The following TMPRSS15 variants were observed in gnomAD, a reference collection of about 807,000 sequenced individuals.
TMPRSS15 encodes the protein transmembrane serine protease 15.
Under a neutral mutation model 125.3 loss-of-function variants are expected in TMPRSS15, and 128 were observed. That is an observed-to-expected ratio of 1.02 (90% CI 0.89 to 1.18). The LOEUF is 1.18. TMPRSS15 is among the 50% of genes most tolerant of loss of function. The probability of loss-of-function intolerance (pLI) is 0.00; values close to 1 mark genes in which losing one functional copy is unlikely to be tolerated. For missense variants in TMPRSS15, 1,283 were observed against 1,212.7 expected (o/e 1.06, Z -0.86); for synonymous variants, 446 against 423.2 (o/e 1.05, Z -0.66).
chr21:18,417,542 T>A (rs1441106285), intron 1 of TMPRSS15, among the ~76,000 whole-genome samples: 1 of 152,172 alleles, frequency 6.6e-6, no homozygotes, highest in Non-Finnish European at 1.5e-5. Context: ...ATTTTAAGAC[T>A]CCTACTACAT....
At chr21:18,463,246 C>CAAAAAAAAAAAAAAAAAAAAAA (rs57033426) in intron 1 of TMPRSS15, among the ~76,000 whole-genome samples, 2 of 11,516 alleles carry the variant, frequency 1.7e-4, no homozygotes, top group Non-Finnish European at 1.7e-4. Context: ...AAATGGAAAG[C>CAAAAAAAAAAAAAAAAAAAAAA]AAAAAAAAAA....
chr21:18,406,601 G>A (rs552648954), upstream of TMPRSS15, among the ~76,000 whole-genome samples: 3 of 152,132 alleles, frequency 2.0e-5, no homozygotes, highest in African/African-American at 7.2e-5. Flanking sequence ...TAGTAGTTAT[G>A]GAATTCTAAT....
At chr21:18,326,146 T>C (rs552442103) in intron 16 of TMPRSS15, among the ~76,000 whole-genome samples, 17 of 152,268 alleles carry the variant, frequency 1.1e-4, no homozygotes, top group African/African-American at 3.9e-4. Context: ...TATCCTACTT[T>C]TAACATTTAA....
intron 3 of TMPRSS15, among the ~76,000 whole-genome samples, chr21:18,385,677 T>C (rs2075937467): frequency 6.6e-6 from 1 of 152,162 alleles, no homozygotes; most frequent in Non-Finnish European, 1.5e-5. Context: ...GCCCTGACTA[T>C]GTCATTGTCA....
chr21:18,313,303 T>G (rs188127749), intron 17 of TMPRSS15, among the ~76,000 whole-genome samples: 133 of 151,946 alleles, frequency 8.8e-4, no homozygotes, highest in South Asian at 1.9e-3. Context: ...AGGTGATGGA[T>G]AGGTTGATTA....
At chr21:18,349,732 A>C (rs1318493791) in intron 10 of TMPRSS15, among the ~76,000 whole-genome samples, 1 of 152,126 alleles carries the variant, frequency 6.6e-6, no homozygotes, top group Non-Finnish European at 1.5e-5. Context: ...GTCTAATTTT[A>C]AAAAACTCCT....
chr21:18,335,879 A>T (rs2146975609), intron 13 of TMPRSS15, among the ~76,000 whole-genome samples: 1 of 152,256 alleles, frequency 6.6e-6, no homozygotes. Context: ...TCAGCCAGGG[A>T]ATGAGAGTAA....
At chr21:18,329,359 C>G in intron 14 of TMPRSS15, 65 bp from the exon 15 acceptor site, 4 of 1,502,396 alleles carry the variant, frequency 2.7e-6, no homozygotes, top group Non-Finnish European at 2.7e-6. Flanking sequence ...AAGCTTCACT[C>G]TCTTGAGAAT....
At chr21:18,396,076 A>G (rs1377300325) in intron 3 of TMPRSS15, among the ~76,000 whole-genome samples, 1 of 152,210 alleles carries the variant, frequency 6.6e-6, no homozygotes, top group African/African-American at 2.4e-5. Context: ...CTGTAACTAA[A>G]GAATATTGCC....
At chr21:18,404,073 A>G (rs578194004), upstream of TMPRSS15, among the ~76,000 whole-genome samples, 13 of 152,328 alleles carry the variant, frequency 8.5e-5, no homozygotes, top group South Asian at 2.5e-3. Flanking sequence ...GACTCAGATG[A>G]TTCTTAAGAC....
intron 1 of TMPRSS15, among the ~76,000 whole-genome samples, chr21:18,456,834 C>T (rs892652320): frequency 6.6e-6 from 1 of 152,048 alleles, no homozygotes; most frequent in Non-Finnish European, 1.5e-5. Flanking sequence ...CTTCCTTTTA[C>T]AAAGTTATGA....
intron 18 of TMPRSS15, among the ~76,000 whole-genome samples, chr21:18,310,542 A>T (rs1568998837): frequency 6.6e-6 from 1 of 152,048 alleles, no homozygotes; most frequent in South Asian, 2.1e-4. Context: ...TAAAACACTG[A>T]TGAAAGAAAT....
intron 10 of TMPRSS15, among the ~76,000 whole-genome samples, chr21:18,345,794 G>T (rs1309587230): frequency 6.9e-6 from 1 of 144,582 alleles, no homozygotes; most frequent in East Asian, 2.1e-4. Context: ...ATACTCAAAT[G>T]GTTAGCCTAT....
At chr21:18,387,367 A>C (rs768018635) in intron 3 of TMPRSS15, among the ~76,000 whole-genome samples, 2 of 152,148 alleles carry the variant, frequency 1.3e-5, no homozygotes, top group Non-Finnish European at 2.9e-5. Flanking sequence ...TTCCTTAATG[A>C]TATTGGTAAC....
intron 21 of TMPRSS15, among the ~76,000 whole-genome samples, chr21:18,284,463 G>A (rs1013277087): frequency 1.3e-5 from 2 of 152,148 alleles, no homozygotes; most frequent in African/African-American, 4.8e-5. Flanking sequence ...AATCACTGTT[G>A]GGATACTGAG....
intron 5 of TMPRSS15, among the ~76,000 whole-genome samples, chr21:18,375,920 T>C (rs2075837130): frequency 6.6e-6 from 1 of 152,180 alleles, no homozygotes; most frequent in Non-Finnish European, 1.5e-5. Context: ...TTCCAAATAA[T>C]TTGTAAGAGA....
At chr21:18,315,279 G>C (rs1342259200) in intron 16 of TMPRSS15, 23 bp from the exon 17 acceptor site, 1 of 1,575,030 alleles carries the variant, frequency 6.3e-7, no homozygotes, top group Non-Finnish European at 8.7e-7. Context: ...AATGTTTATT[G>C]TATAGGATAA....
At chr21:18,300,111 A>G (rs993015548) in intron 18 of TMPRSS15, among the ~76,000 whole-genome samples, 18 of 52,544 alleles carry the variant, frequency 3.4e-4, no homozygotes, top group Non-Finnish European at 6.6e-4. Flanking sequence ...TCACTTATCT[A>G]TAGCTCGTCT....
intron 19 of TMPRSS15, 52 bp downstream of exon 19, chr21:18,297,682 T>A (rs906462848): frequency 7.3e-7 from 1 of 1,368,668 alleles, no homozygotes; most frequent in African/African-American, 1.4e-5. Context: ...CAACAATCTA[T>A]CTTCTGCCAT....
Sources: gnomAD v4.1 joint callset for allele counts (sites outside exome capture counted in the v4.1 genomes callset) on GRCh38, gnomAD v4.1.1 for gene constraint, MANE v1.5 for transcripts, NCBI Gene and HGNC (gene_info 2026-07-23, HGNC 2026-07-21) for gene names.